The following ABLIM1 variants were observed in gnomAD, a reference collection of about 807,000 sequenced individuals.
The protein encoded by ABLIM1 is actin-binding LIM protein 1.
Under a neutral mutation model 107.0 loss-of-function variants are expected in ABLIM1, and 40 were observed. The ratio of observed to expected loss-of-function variants is 0.37; its 90% CI spans 0.29 to 0.49. The LOEUF (loss-of-function observed/expected upper bound fraction) is 0.49, where lower values mean the gene tolerates loss of function less well. Ranked by LOEUF, ABLIM1 falls within the 20% of genes least tolerant of loss-of-function variation. The pLI, the probability that ABLIM1 is intolerant of heterozygous loss-of-function variation, is 0.97. For synonymous variants in ABLIM1, 357 were observed against 357.3 expected, an observed-to-expected ratio of 1.00 and a Z score of 0.01; for missense variants, 857 against 1,008.5, an observed-to-expected ratio of 0.85 and a Z score of 2.04.
intron 6 of ABLIM1, among the ~76,000 whole-genome samples, chr10:114,507,967 CAGAA>C (rs1170076142): frequency 6.6e-6 from 1 of 152,202 alleles, no homozygotes; most frequent in Non-Finnish European, 1.5e-5. Context: ...CCTCTGACAA[CAGAA>C]AGAAAGAAAA....
chr10:114,580,784 A>C (rs1334305211), intron 2 of ABLIM1, among the ~76,000 whole-genome samples: 1 of 152,216 alleles, frequency 6.6e-6, no homozygotes, highest in Non-Finnish European at 1.5e-5. Context: ...TTTCACATCT[A>C]AATGATCACA....
intron 17 of ABLIM1, 71 bp from the exon 18 acceptor site, chr10:114,441,857 G>GT: frequency 7.3e-7 from 1 of 1,374,902 alleles, no homozygotes; most frequent in Non-Finnish European, 1.0e-6. Context: ...GAAATTGGCA[G>GT]TATCTTCTAC....
chr10:114,446,146 CAT>C (rs1240071994), intron 15 of ABLIM1, among the ~76,000 whole-genome samples: 2 of 152,316 alleles, frequency 1.3e-5, no homozygotes, highest in African/African-American at 4.8e-5. Flanking sequence ...TGTTTTGTGA[CAT>C]GCGTTTAAAC....
intron 1 of ABLIM1, among the ~76,000 whole-genome samples, chr10:114,754,712 C>T (rs549505464): frequency 6.6e-6 from 1 of 152,318 alleles, no homozygotes; most frequent in Admixed American, 6.5e-5. Flanking sequence ...ATCAAATGTT[C>T]TGAACACGGC....
intron 4 of ABLIM1, among the ~76,000 whole-genome samples, chr10:114,563,605 T>G (rs375265745): frequency 6.6e-6 from 1 of 151,654 alleles, no homozygotes; most frequent in Non-Finnish European, 1.5e-5. Context: ...GAAGCTGAGG[T>G]GGGTCGATCA....
chr10:114,471,555 T>A (rs2066565192), intron 10 of ABLIM1, among the ~76,000 whole-genome samples: 1 of 152,058 alleles, frequency 6.6e-6, no homozygotes, highest in Non-Finnish European at 1.5e-5. Flanking sequence ...GACCACTAGG[T>A]GGCACTACAT....
At chr10:114,565,688 A>G (rs1425979779) in intron 4 of ABLIM1, among the ~76,000 whole-genome samples, 2 of 151,862 alleles carry the variant, frequency 1.3e-5, no homozygotes, top group Non-Finnish European at 2.9e-5. Flanking sequence ...GTTATCTTGC[A>G]TGTATTAAAG....
At chr10:114,654,657 G>C (rs1323102268) in intron 1 of ABLIM1, among the ~76,000 whole-genome samples, 1 of 152,110 alleles carries the variant, frequency 6.6e-6, no homozygotes, top group Non-Finnish European at 1.5e-5. Context: ...TTAGACACAC[G>C]CAAGCAGGGC....
At chr10:114,475,944 T>C (rs2056317257) in intron 8 of ABLIM1, among the ~76,000 whole-genome samples, 1 of 152,230 alleles carries the variant, frequency 6.6e-6, no homozygotes, top group South Asian at 2.1e-4. Context: ...CAGTAGTTTC[T>C]ATTGGTGTTT....
At chr10:114,465,961 G>A in intron 11 of ABLIM1, 134 bp from the exon 12 acceptor site, 1 of 1,037,734 alleles carries the variant, frequency 9.6e-7, no homozygotes, top group South Asian at 1.8e-5. Context: ...ATTTTTATGT[G>A]CAAATTTTGC....
chr10:114,613,923 G>A (rs1031196513), intron 1 of ABLIM1, among the ~76,000 whole-genome samples: 5 of 152,040 alleles, frequency 3.3e-5, no homozygotes, highest in South Asian at 2.1e-4. Flanking sequence ...TATTCATCCC[G>A]GTGACAAGGG....
chr10:114,723,826 T>A (rs2081902406), intron 1 of ABLIM1, among the ~76,000 whole-genome samples: 1 of 152,226 alleles, frequency 6.6e-6, no homozygotes, highest in African/African-American at 2.4e-5. Context: ...GCAATCTTTG[T>A]CTTGCCTGGT....
chr10:114,607,564 C>T (rs776503576), intron 1 of ABLIM1, among the ~76,000 whole-genome samples: 1 of 152,182 alleles, frequency 6.6e-6, no homozygotes, highest in Admixed American at 6.5e-5. Context: ...TAAACATCAA[C>T]AGTGATAAGT....
In ABLIM1 at chr10:114,574,435, ATTTAT is replaced by A. The variant is rs1018794254; in HGVS notation, c.563+976_563+980del. Among the ~76,000 whole-genome samples the A allele has an allele frequency of 7.1e-3, 1,077 of 151,434 alleles. 13 individuals are homozygous for A. The highest frequency in any genetic ancestry group is 0.025 in the African/African-American group (1,034 of 40,986). On this transcript the variant is annotated intron_variant, in intron 3 of 22. Transcript: ENST00000533213. ...TTGTTCTCTGACTGATCATTTTATTATTTATTTTATTTTATTTTTTTTGAGATGGA... is the reference window on the plus strand; with the variant it reads ...TTGTTCTCTGACTGATCATTTTATTATTTATTTTATTTTTTTTGAGATGGA...
At chr10:114,538,719 G>T (rs1267983301) in intron 6 of ABLIM1, among the ~76,000 whole-genome samples, 1 of 152,210 alleles carries the variant, frequency 6.6e-6, no homozygotes, top group Non-Finnish European at 1.5e-5. Context: ...TTTCAGGGAG[G>T]AGAACAAAAG....
At position 114,547,616 on chromosome 10, in the gene ABLIM1, A is replaced by G. The variant is rs761737822; in HGVS notation, c.800+34T>C. 5 of 1,611,748 alleles carry G rather than the reference A, an allele frequency of 3.1e-6. No individual in the cohort carries two copies. The South Asian group carries it at 5.5e-5, about 18-fold the overall frequency. Reference sequence around the variant, plus strand: ...AGAAGAACCACAACGCCCGGTGCCCACTGAAAGGAACGCGTGCCCGCGCCC... The same window carrying G: ...AGAAGAACCACAACGCCCGGTGCCCGCTGAAAGGAACGCGTGCCCGCGCCC... On this transcript the variant is annotated intron_variant, in intron 5 of 22. Transcript: ENST00000533213.
chr10:114,486,520 G>A (rs2058211077), intron 8 of ABLIM1, among the ~76,000 whole-genome samples: 1 of 152,086 alleles, frequency 6.6e-6, no homozygotes, highest in Non-Finnish European at 1.5e-5. Context: ...CATTTCCAAA[G>A]CATCCATAGT....
chr10:114,469,893 T>G lies in ABLIM1; in HGVS notation c.1276-1677A>C, dbSNP rs974810069. ...CAGCCAGGGGTGGACTTCTCAGTTT[T>G]AGAATTTGCCCTTTTCCCCACATTC... On this transcript the variant is annotated intron_variant, in intron 10 of 22. Transcript: ENST00000533213. Among the ~76,000 whole-genome samples the G allele has an allele frequency of 7.2e-5, 11 of 152,370 alleles. No individual in the cohort carries two copies. In the South Asian group the frequency reaches 2.3e-3, roughly 32 times the overall value.
chr10:114,746,693 G>A (rs2082392624), intron 1 of ABLIM1, among the ~76,000 whole-genome samples: 2 of 152,218 alleles, frequency 1.3e-5, no homozygotes, highest in East Asian at 3.9e-4. Flanking sequence ...TACAAGAAAG[G>A]GTTTTCACCA....
Sources: allele counts gnomAD v4.1 joint callset (sites outside exome capture counted in the v4.1 genomes callset), GRCh38; gene constraint gnomAD v4.1.1; transcripts MANE v1.5; gene names NCBI Gene and HGNC (gene_info 2026-07-23, HGNC 2026-07-21).